PTPRD: variants seen among roughly 807,000 people sequenced by gnomAD.
The protein encoded by PTPRD is protein tyrosine phosphatase receptor type D.
PTPRD carries 34 observed loss-of-function variants against 214.5 expected under a neutral mutation model. The ratio of observed to expected loss-of-function variants is 0.16; its 90% CI spans 0.12 to 0.21. The LOEUF is 0.21. PTPRD is among the 10% of genes least tolerant of loss of function. PTPRD has a pLI of 1.00. For synonymous variants in PTPRD, 1,128 were observed against 845.7 expected, an observed-to-expected ratio of 1.33 and a Z score of -5.79; for missense variants, 2,545 against 2,398.7, an observed-to-expected ratio of 1.06 and a Z score of -1.27.
At chr9:8,739,191 G>A (rs911919502) in intron 11 of PTPRD, among the ~76,000 whole-genome samples, 22 of 152,290 alleles carry the variant, frequency 1.4e-4, no homozygotes, top group African/African-American at 4.8e-4. Flanking sequence ...GGCTTCAGGG[G>A]GCACCCCAGG....
At chr9:10,494,284 C>A (rs547808656) in intron 2 of PTPRD, among the ~76,000 whole-genome samples, 84 of 151,758 alleles carry the variant, frequency 5.5e-4, no homozygotes, top group Non-Finnish European at 1.1e-3. Context: ...AACATATAAT[C>A]AAATTCTCTG....
At chr9:8,430,269 T>C (rs534164446) in intron 35 of PTPRD, among the ~76,000 whole-genome samples, 8 of 139,152 alleles carry the variant, frequency 5.7e-5, no homozygotes, top group African/African-American at 2.1e-4. Context: ...ATTTTTTTTA[T>C]TTTTTTTTTA....
intron 11 of PTPRD, among the ~76,000 whole-genome samples, chr9:8,809,352 T>C (rs776028916): frequency 3.9e-5 from 6 of 152,102 alleles, no homozygotes; most frequent in Non-Finnish European, 5.9e-5. Flanking sequence ...AGGGTAGAAA[T>C]TGGCATCTGC....
intron 7 of PTPRD, among the ~76,000 whole-genome samples, chr9:9,687,985 G>C: frequency 6.6e-6 from 1 of 151,716 alleles, no homozygotes; most frequent in Admixed American, 6.6e-5. Context: ...AATAGTGAGG[G>C]AATTCTCATG....
chr9:8,994,372 C>A (rs1382545057), intron 11 of PTPRD, among the ~76,000 whole-genome samples: 1 of 152,084 alleles, frequency 6.6e-6, no homozygotes, highest in Non-Finnish European at 1.5e-5. Flanking sequence ...TTCAACAATG[C>A]CTAGCACAAT....
chr9:10,019,247 G>C (rs1156695107), intron 4 of PTPRD, among the ~76,000 whole-genome samples: 1 of 152,166 alleles, frequency 6.6e-6, no homozygotes, highest in Non-Finnish European at 1.5e-5. Flanking sequence ...ACATCAGTTA[G>C]AATGGCGATC....
chr9:8,620,223 T>C (rs990139901), intron 14 of PTPRD, among the ~76,000 whole-genome samples: 7 of 152,002 alleles, frequency 4.6e-5, no homozygotes, highest in East Asian at 3.9e-4. Flanking sequence ...AGCAAGCAAA[T>C]AGAGGTTCTG....
At chr9:9,646,861 A>T (rs2096199719) in intron 7 of PTPRD, among the ~76,000 whole-genome samples, 1 of 152,244 alleles carries the variant, frequency 6.6e-6, no homozygotes, top group African/African-American at 2.4e-5. Flanking sequence ...ATATTGTAGT[A>T]CAATAATGTG....
intron 11 of PTPRD, among the ~76,000 whole-genome samples, chr9:8,908,431 A>C (rs539215806): frequency 8.9e-4 from 136 of 152,302 alleles, no homozygotes; most frequent in Non-Finnish European, 1.7e-3. Flanking sequence ...AGAAATCAAC[A>C]ACAGAAAAAA....
chr9:9,898,910 A>C (rs1223545634), intron 5 of PTPRD, among the ~76,000 whole-genome samples: 2 of 152,028 alleles, frequency 1.3e-5, no homozygotes, highest in Admixed American at 1.3e-4. Flanking sequence ...CATATTCTCC[A>C]GGATTTTCTT....
intron 9 of PTPRD, among the ~76,000 whole-genome samples, chr9:9,341,244 C>T (rs938843338): frequency 1.3e-5 from 2 of 151,994 alleles, no homozygotes; most frequent in Non-Finnish European, 2.9e-5. Context: ...TTCAGCTGCT[C>T]TATTTAACCT....
At chr9:9,790,231 C>G (rs2098957900) in intron 5 of PTPRD, among the ~76,000 whole-genome samples, 1 of 152,074 alleles carries the variant, frequency 6.6e-6, no homozygotes, top group Non-Finnish European at 1.5e-5. Flanking sequence ...GATGTATTGT[C>G]TTGGACATTG....
chr9:10,471,443 T>C (rs1204903366), intron 2 of PTPRD, among the ~76,000 whole-genome samples: 1 of 152,186 alleles, frequency 6.6e-6, no homozygotes, highest in Non-Finnish European at 1.5e-5. Context: ...GTAGTATGAC[T>C]CTGTAGTTTA....
intron 10 of PTPRD, among the ~76,000 whole-genome samples, chr9:9,087,719 T>C (rs2099769239): frequency 6.6e-6 from 1 of 152,108 alleles, no homozygotes; most frequent in South Asian, 2.1e-4. Flanking sequence ...GAGCTTGTAG[T>C]AATTTTTCCA....
chr9:10,538,282 AT>A (rs2058326048), intron 2 of PTPRD, among the ~76,000 whole-genome samples: 2 of 149,322 alleles, frequency 1.3e-5, no homozygotes, highest in Non-Finnish European at 3.0e-5. Flanking sequence ...AAATAAATAA[AT>A]AAATAAATAA....
At chr9:8,814,723 T>A (rs1265408009) in intron 11 of PTPRD, among the ~76,000 whole-genome samples, 2 of 151,964 alleles carry the variant, frequency 1.3e-5, no homozygotes, top group Admixed American at 1.3e-4. Context: ...AGAAGTGAGG[T>A]CCTTCACTGG....
intron 4 of PTPRD, among the ~76,000 whole-genome samples, chr9:10,019,303 A>G (rs1029395637): frequency 1.3e-5 from 2 of 152,222 alleles, no homozygotes; most frequent in Non-Finnish European, 2.9e-5. Flanking sequence ...ATGTGGAGAA[A>G]TAGGAACACT....
intron 7 of PTPRD, among the ~76,000 whole-genome samples, chr9:9,626,209 T>A (rs757742998): frequency 5.3e-5 from 8 of 152,212 alleles, no homozygotes; most frequent in African/African-American, 9.6e-5. Flanking sequence ...GATGCCTGAT[T>A]TTTATTTCCT....
chr9:10,586,785 CTTTT>C (rs5896406), intron 2 of PTPRD, among the ~76,000 whole-genome samples: 4 of 143,902 alleles, frequency 2.8e-5, no homozygotes, highest in African/African-American at 5.0e-5. Context: ...TTATAGACAA[CTTTT>C]TTTTTTTTTT....
Sources: allele counts gnomAD v4.1 joint callset (sites outside exome capture counted in the v4.1 genomes callset), GRCh38; gene constraint gnomAD v4.1.1; transcripts MANE v1.5; gene names NCBI Gene and HGNC (gene_info 2026-07-23, HGNC 2026-07-21).